Variants in DNAH7 observed in about 807,000 individuals in gnomAD.
DNAH7 encodes the protein axonemal beta dynein heavy chain 7.
A neutral mutation model predicts 444.6 loss-of-function variants in DNAH7; 397 were observed. That is an observed-to-expected ratio of 0.89 (90% confidence interval 0.82 to 0.97). The LOEUF (loss-of-function observed/expected upper bound fraction) is 0.97. Among genes scored for constraint, DNAH7 ranks in the 50% least tolerant of loss-of-function variants. DNAH7 has a pLI of 0.00. For missense variants in DNAH7, 4,902 were observed against 4,800.8 expected (o/e 1.02, Z -0.62); for synonymous variants, 1,636 against 1,624.4 (o/e 1.01, Z -0.17).
At chr2:195,966,317 T>C (rs1455947235) in intron 17 of DNAH7, among the ~76,000 whole-genome samples, 1 of 152,144 alleles carries the variant, frequency 6.6e-6, no homozygotes, top group Non-Finnish European at 1.5e-5. Context: ...AGAAGATGCT[T>C]GATATCATTT....
chr2:196,014,796 C>CT (rs533381721), intron 9 of DNAH7, among the ~76,000 whole-genome samples: 100 of 152,208 alleles, frequency 6.6e-4, no homozygotes, highest in African/African-American at 2.1e-3. Context: ...TGCCGTCCTC[C>CT]TTTTTTTGTA....
At chr2:195,838,942 A>G (rs1425952129) in intron 47 of DNAH7, among the ~76,000 whole-genome samples, 1 of 151,954 alleles carries the variant, frequency 6.6e-6, no homozygotes, top group African/African-American at 2.4e-5. Context: ...AATAAAGCTA[A>G]AACTGATAAG....
chr2:195,862,119 A>G (rs1231433143), intron 41 of DNAH7, among the ~76,000 whole-genome samples, 173 bp from the exon 42 acceptor site: 1 of 152,134 alleles, frequency 6.6e-6, no homozygotes, highest in Non-Finnish European at 1.5e-5. Context: ...TACTTAGGGG[A>G]GGGAGCCAGG....
intron 16 of DNAH7, among the ~76,000 whole-genome samples, chr2:195,971,674 C>T (rs80163313): frequency 0.011 from 1,712 of 152,098 alleles, 34 homozygotes; most frequent in East Asian, 0.071. Context: ...GACAGGGTTA[C>T]TGAAAAGTCA....
chr2:195,809,700 A>G lies in DNAH7; in HGVS notation c.9888+45T>C, dbSNP rs369190917. 6 of 1,448,962 alleles carry G rather than the reference A, an allele frequency of 4.1e-6. No individual in the cohort carries two copies. In the African/African-American group the frequency reaches 5.8e-5, roughly 14 times the overall value. The allele number at this position is 1,448,962 out of a possible 1,614,324, so 89.8% of individuals were successfully genotyped here. A position where few individuals can be genotyped will look rare whatever the true frequency, so the allele number is the denominator to read the frequency against. Reference sequence around the variant, plus strand: ...ATACAAATTAATAAATTAATGAATCAGCGTTATTAAGGGTTTTTTTCTTAC... The same window carrying G: ...ATACAAATTAATAAATTAATGAATCGGCGTTATTAAGGGTTTTTTTCTTAC... On this transcript the variant is annotated intron_variant, in intron 52 of 64. Coordinates refer to ENST00000312428, the MANE Select transcript of DNAH7 (RefSeq NM_018897.3).
In DNAH7 at chr2:195,906,639, T is replaced by C. The variant is rs767846294; in HGVS notation, c.4335+20A>G. On this transcript the variant is annotated intron_variant, in intron 27 of 64. Transcript: ENST00000312428. ...TAAATTATAGAGAAGAAATAGATTATATAATAACTCCTTCCATACCTTCAG... is the reference window on the plus strand; with the variant it reads ...TAAATTATAGAGAAGAAATAGATTACATAATAACTCCTTCCATACCTTCAG... The C allele has an allele frequency of 6.2e-7, 1 of 1,603,496 alleles. No individual in the cohort carries two copies. The highest frequency in any genetic ancestry group is 2.2e-5 in the East Asian group (1 of 44,774).
At chr2:195,880,210 C>CA (rs1017758157) in intron 36 of DNAH7, among the ~76,000 whole-genome samples, 7 of 151,660 alleles carry the variant, frequency 4.6e-5, no homozygotes, top group South Asian at 4.2e-4. Flanking sequence ...TAATATTCAT[C>CA]AAAAAAATCA....
chr2:195,945,954 A>G (rs1045588904), intron 19 of DNAH7, among the ~76,000 whole-genome samples: 1 of 152,278 alleles, frequency 6.6e-6, no homozygotes, highest in African/African-American at 2.4e-5. Flanking sequence ...CTGAATCTCA[A>G]GAAGGGGGGC....
intron 17 of DNAH7, among the ~76,000 whole-genome samples, chr2:195,967,756 T>C (rs1329615469): frequency 6.6e-6 from 1 of 152,228 alleles, no homozygotes; most frequent in Non-Finnish European, 1.5e-5. Context: ...TCTTTTCTCT[T>C]GCTGCTTTTA....
intron 12 of DNAH7, among the ~76,000 whole-genome samples, chr2:195,999,869 CAT>C (rs1258811063): frequency 6.6e-6 from 1 of 152,060 alleles, no homozygotes; most frequent in Non-Finnish European, 1.5e-5. Flanking sequence ...AAAAACTAAA[CAT>C]AAATTGTTTA....
At chr2:195,929,561 T>C (rs930254656) in intron 21 of DNAH7, among the ~76,000 whole-genome samples, 1 of 152,012 alleles carries the variant, frequency 6.6e-6, no homozygotes, top group Non-Finnish European at 1.5e-5. Flanking sequence ...AGCCCAGAAA[T>C]AAAGGTGCAC....
intron 46 of DNAH7, among the ~76,000 whole-genome samples, chr2:195,851,878 G>A (rs1699388757): frequency 3.9e-5 from 6 of 152,206 alleles, no homozygotes; most frequent in Admixed American, 3.9e-4. Flanking sequence ...AGGAGAGTAG[G>A]AAGAGTGCTA....
In DNAH7 at chr2:195,823,266, T is replaced by C. The variant is rs554753316; in HGVS notation, c.9291+989A>G. On this transcript the variant is annotated intron_variant, in intron 49 of 64. Transcript: ENST00000312428. ...GTTCAAGGGTCACTCCATTTTCCCC[T>C]AGTCTTCCTGACATCCCTGAATGTC... Among the ~76,000 whole-genome samples the C allele has an allele frequency of 5.3e-5, 8 of 152,350 alleles. No homozygotes were observed. The East Asian group carries it at 5.8e-4, about 11-fold the overall frequency.
chr2:196,037,748 A>G (rs909097097), intron 5 of DNAH7, among the ~76,000 whole-genome samples: 1 of 152,202 alleles, frequency 6.6e-6, no homozygotes, highest in Non-Finnish European at 1.5e-5. Context: ...GGATACCATC[A>G]AGCAAACAAA....
At chr2:195,956,672 G>A (rs1273805096) in intron 19 of DNAH7, among the ~76,000 whole-genome samples, 2 of 151,122 alleles carry the variant, frequency 1.3e-5, no homozygotes, top group Admixed American at 6.6e-5. Flanking sequence ...AAAGTCTTCT[G>A]AATTGAACAA....
At position 196,026,885 on chromosome 2, in the gene DNAH7, T is replaced by C. The variant is rs1695722896; in HGVS notation, c.542A>G (p.Glu181Gly). Residue 181 changes from glutamate (E) to glycine (G), a missense_variant, in exon 7 of 65, where the codon GAA becomes GGA. Transcript: ENST00000312428. Reference sequence around the variant, plus strand: ...CAGTACGTGTTCTAGCCAAGAATCTTCCATTGGGGCTACATGGTCTGTATC... The same window carrying C: ...CAGTACGTGTTCTAGCCAAGAATCTCCCATTGGGGCTACATGGTCTGTATC... ...GIDTDHVAPM[E>G]DSWLEHVLDL... is the part of the protein sequence containing the mutation. 6.2e-7 allele frequency: 1 copy of C among 1,612,436 alleles called. No homozygotes were observed. The highest frequency in any genetic ancestry group is 1.3e-5 in the African/African-American group (1 of 74,884).
intron 49 of DNAH7, among the ~76,000 whole-genome samples, chr2:195,823,632 C>T (rs1376866794): frequency 1.3e-5 from 2 of 152,054 alleles, no homozygotes; most frequent in African/African-American, 4.8e-5. Context: ...AGCAATCCTT[C>T]ACTCACTCAT....
In DNAH7 at chr2:195,855,836, T is replaced by C; in HGVS notation, c.8570A>G (p.Gln2857Arg). ...CTGGTTTTCCAGGTCAGCCTTCTTT[T>C]GTTTATTTAATTCAAGTGTGTCTTG... ...RLQDTLELNKQKKADLENQVD... is the reference protein window; with the variant it reads ...RLQDTLELNKRKKADLENQVD... Residue 2857 changes from glutamine (Q) to arginine (R), a missense_variant, in exon 45 of 65, where the codon CAA becomes CGA. Coordinates refer to ENST00000312428, the MANE Select transcript of DNAH7 (RefSeq NM_018897.3). 1 of 1,613,650 alleles carries C rather than the reference T, an allele frequency of 6.2e-7. No homozygotes were observed. The highest frequency in any genetic ancestry group is 8.5e-7 in the Non-Finnish European group (1 of 1,179,788).
At chr2:196,011,816 A>G (rs1694743154) in intron 10 of DNAH7, among the ~76,000 whole-genome samples, 3 of 152,210 alleles carry the variant, frequency 2.0e-5, no homozygotes, top group Admixed American at 2.0e-4. Context: ...CACCCATTTA[A>G]CTAAAATTTA....
Sources: gnomAD v4.1 joint callset for allele counts (sites outside exome capture counted in the v4.1 genomes callset) on GRCh38, gnomAD v4.1.1 for gene constraint, MANE v1.5 for transcripts, NCBI Gene and HGNC (gene_info 2026-07-23, HGNC 2026-07-21) for gene names.